The following PRKAR2B variants were observed in gnomAD, a reference collection of about 807,000 sequenced individuals.
PRKAR2B encodes the protein protein kinase cAMP-dependent type II regulatory subunit beta.
Under a neutral mutation model 49.9 loss-of-function variants are expected in PRKAR2B, and 14 were observed. That is an observed-to-expected ratio of 0.28 (90% CI 0.19 to 0.44). The LOEUF is 0.44. Among genes scored for constraint, PRKAR2B ranks in the 20% least tolerant of loss-of-function variants. The pLI is 1.00. For synonymous variants in PRKAR2B, 196 were observed against 197.7 expected (o/e 0.99, Z 0.07); for missense variants, 393 against 537.9 (o/e 0.73, Z 2.67).
At chr7:107,049,159 A>G (rs1273326277) in intron 1 of PRKAR2B, among the ~76,000 whole-genome samples, 1 of 152,188 alleles carries the variant, frequency 6.6e-6, no homozygotes, top group African/African-American at 2.4e-5. Context: ...TTGCCCCATA[A>G]TTTCTTCAGT....
chr7:107,127,612 T>C (rs1795521145), intron 3 of PRKAR2B, among the ~76,000 whole-genome samples: 1 of 152,250 alleles, frequency 6.6e-6, no homozygotes. Flanking sequence ...CATATTCTCT[T>C]GGAGTGGCAG....
At chr7:107,096,804 A>G (rs1794847675) in intron 2 of PRKAR2B, among the ~76,000 whole-genome samples, 1 of 152,164 alleles carries the variant, frequency 6.6e-6, no homozygotes, top group Admixed American at 6.5e-5. Context: ...TTCGGTTTCC[A>G]TGTAGTTGAG....
At chr7:107,113,736 T>C (rs1020658534) in intron 2 of PRKAR2B, among the ~76,000 whole-genome samples, 2 of 152,232 alleles carry the variant, frequency 1.3e-5, no homozygotes, top group Non-Finnish European at 2.9e-5. Flanking sequence ...AAATTTACTT[T>C]AAATAGAGAA....
intron 2 of PRKAR2B, among the ~76,000 whole-genome samples, chr7:107,074,208 C>G (rs1207585624): frequency 6.6e-6 from 1 of 151,986 alleles, no homozygotes; most frequent in Non-Finnish European, 1.5e-5. Context: ...CTCCACCCTC[C>G]CAAGTTCAAG....
Position 107,121,948 on chromosome 7 carries a change from A to C in PRKAR2B, c.344-4A>C. 9 of 1,574,120 alleles carry C rather than the reference A, an allele frequency of 5.7e-6. No individual in the cohort carries two copies. The highest frequency in any genetic ancestry group is 7.8e-6 in the Non-Finnish European group (9 of 1,152,446). On this transcript the variant is annotated splice_polypyrimidine_tract_variant and splice_region_variant and intron_variant, in intron 2 of 10. Transcript: ENST00000265717. Reference sequence around the variant, plus strand: ...CTTTAAGATGTTCATTTTTGTTTTTATAGTATGTGCAGAAGCTTATAATCC... The same window carrying C: ...CTTTAAGATGTTCATTTTTGTTTTTCTAGTATGTGCAGAAGCTTATAATCC...
At chr7:107,053,525 A>AGTGTGTGTGTGTGT (rs56855022) in intron 1 of PRKAR2B, among the ~76,000 whole-genome samples, 1 of 141,892 alleles carries the variant, frequency 7.0e-6, no homozygotes, top group African/African-American at 2.6e-5. Flanking sequence ...GATTATAAAG[A>AGTGTGTGTGTGTGT]GTGTGTGTGT....
chr7:107,059,689 G>T (rs1793987851), intron 1 of PRKAR2B, among the ~76,000 whole-genome samples: 1 of 117,786 alleles, frequency 8.5e-6, no homozygotes, highest in East Asian at 2.4e-4. Flanking sequence ...TTATAGTGCT[G>T]TAGTGAATGT....
intron 3 of PRKAR2B, among the ~76,000 whole-genome samples, chr7:107,125,078 AT>A (rs71885693): frequency 0.025 from 3,746 of 151,868 alleles, 141 homozygotes; most frequent in African/African-American, 0.082. Flanking sequence ...CATTTGTTTG[AT>A]TTTTTTTCCC....
At chr7:107,050,800 T>C (rs550082445) in intron 1 of PRKAR2B, among the ~76,000 whole-genome samples, 1 of 152,278 alleles carries the variant, frequency 6.6e-6, no homozygotes, top group Admixed American at 6.5e-5. Context: ...ATAGTTCTTA[T>C]TTTAAGAAAA....
At chr7:107,120,664 G>A (rs144808875) in intron 2 of PRKAR2B, among the ~76,000 whole-genome samples, 20 of 152,070 alleles carry the variant, frequency 1.3e-4, no homozygotes, top group African/African-American at 4.6e-4. Context: ...ATAAGGAAAG[G>A]GTTTTCAAGG....
intron 8 of PRKAR2B, among the ~76,000 whole-genome samples, chr7:107,154,892 T>A (rs1387916836): frequency 6.6e-6 from 1 of 152,202 alleles, no homozygotes; most frequent in African/African-American, 2.4e-5. Flanking sequence ...TGAAATGGAA[T>A]GTCAGTAGGC....
At chr7:107,139,476 G>A (rs1795755003) in intron 4 of PRKAR2B, among the ~76,000 whole-genome samples, 1 of 152,172 alleles carries the variant, frequency 6.6e-6, no homozygotes, top group African/African-American at 2.4e-5. Context: ...TTTGAAGGAA[G>A]GTGTCAACTA....
At chr7:107,056,315 A>G (rs999827935) in intron 1 of PRKAR2B, among the ~76,000 whole-genome samples, 1 of 152,150 alleles carries the variant, frequency 6.6e-6, no homozygotes, top group African/African-American at 2.4e-5. Context: ...TTTTGGTTCC[A>G]TATGAACTTT....
chr7:107,049,300 C>A (rs937307606), intron 1 of PRKAR2B, among the ~76,000 whole-genome samples: 1 of 151,952 alleles, frequency 6.6e-6, no homozygotes, highest in African/African-American at 2.4e-5. Flanking sequence ...AAATAACTAC[C>A]GTGATAGAAA....
chr7:107,048,891 G>A (rs905872562), intron 1 of PRKAR2B, among the ~76,000 whole-genome samples: 1 of 152,164 alleles, frequency 6.6e-6, no homozygotes, highest in Non-Finnish European at 1.5e-5. Context: ...AGTGGCTTAT[G>A]GTGACCCTTT....
chr7:107,084,624 T>A (rs1251048557), intron 2 of PRKAR2B, among the ~76,000 whole-genome samples: 1 of 141,630 alleles, frequency 7.1e-6, no homozygotes, highest in Non-Finnish European at 1.6e-5. Context: ...ATCTATATAC[T>A]TTTTTTTTTT....
chr7:107,056,554 G>A (rs1054115499), intron 1 of PRKAR2B, among the ~76,000 whole-genome samples: 8 of 152,074 alleles, frequency 5.3e-5, no homozygotes, highest in African/African-American at 1.9e-4. Flanking sequence ...TTGATTCCTA[G>A]GTATTTTATT....
chr7:107,155,891 C>T (rs938148206), intron 8 of PRKAR2B, among the ~76,000 whole-genome samples: 8 of 152,010 alleles, frequency 5.3e-5, no homozygotes, highest in South Asian at 2.1e-4. Context: ...ATAAAGAAAA[C>T]GTGGTACATA....
At chr7:107,073,872 C>T (rs1186970050) in intron 2 of PRKAR2B, among the ~76,000 whole-genome samples, 1 of 151,764 alleles carries the variant, frequency 6.6e-6, no homozygotes, top group African/African-American at 2.4e-5. Context: ...ACCAGCCTGG[C>T]CAACTTGGTG....
Sources: allele counts gnomAD v4.1 joint callset (sites outside exome capture counted in the v4.1 genomes callset), GRCh38; gene constraint gnomAD v4.1.1; transcripts MANE v1.5; gene names NCBI Gene and HGNC (gene_info 2026-07-23, HGNC 2026-07-21).